Variants in CTNND2 observed in about 807,000 individuals in gnomAD.
CTNND2 encodes the protein catenin delta 2.
CTNND2 carries 22 observed loss-of-function variants against 144.4 expected under a neutral mutation model. That is an observed-to-expected ratio of 0.15 (90% CI 0.11 to 0.22). The LOEUF is 0.22. Among genes scored for constraint, CTNND2 ranks in the 10% least tolerant of loss-of-function variants. The pLI is 1.00. For missense variants in CTNND2, 1,353 were observed against 1,618.8 expected, an observed-to-expected ratio of 0.84 and a Z score of 2.82; for synonymous variants, 751 against 695.6, an observed-to-expected ratio of 1.08 and a Z score of -1.25.
chr5:11,576,388 T>C (rs995526393), intron 2 of CTNND2, among the ~76,000 whole-genome samples: 3 of 150,354 alleles, frequency 2.0e-5, no homozygotes, highest in Non-Finnish European at 4.4e-5. Flanking sequence ...TTAAATTACA[T>C]ACAATTAAGA....
intron 9 of CTNND2, among the ~76,000 whole-genome samples, chr5:11,240,679 T>A (rs1371806312): frequency 1.1e-5 from 1 of 91,430 alleles, no homozygotes; most frequent in Admixed American, 1.2e-4. Context: ...AATACACACA[T>A]CCAACATGCA....
At chr5:11,290,029 A>T (rs534415380) in intron 9 of CTNND2, among the ~76,000 whole-genome samples, 26 of 152,350 alleles carry the variant, frequency 1.7e-4, no homozygotes, top group African/African-American at 4.6e-4. Flanking sequence ...AACTACAAGG[A>T]TCGAGTATAG....
At chr5:11,170,154 G>A (rs760472195) in intron 11 of CTNND2, among the ~76,000 whole-genome samples, 4 of 152,188 alleles carry the variant, frequency 2.6e-5, no homozygotes, top group Admixed American at 6.5e-5. Flanking sequence ...GGTCAGATAA[G>A]AGTCTGACTG....
In CTNND2 at chr5:11,063,803, G is replaced by A. The variant is rs181483153; in HGVS notation, c.2788+18893C>T. On this transcript the variant is annotated intron_variant, in intron 16 of 21. Coordinates refer to ENST00000304623, the MANE Select transcript of CTNND2 (RefSeq NM_001332.4). ...ACAATTTAAATCTAAAAATGTGAGG[G>A]GGGTGGGGTTGGGGGGCATAGCTTT... 2.3e-3 allele frequency among the ~76,000 whole-genome samples: 347 copies of A among 151,226 alleles called. 1 individual carries two copies. The highest frequency in any genetic ancestry group is 3.4e-3 in the Non-Finnish European group (229 of 67,818).
chr5:11,807,668 T>C (rs1792080028), intron 1 of CTNND2, among the ~76,000 whole-genome samples: 1 of 152,144 alleles, frequency 6.6e-6, no homozygotes, highest in African/African-American at 2.4e-5. Flanking sequence ...GACTTAGGTT[T>C]TCAAAGCCCA....
intron 16 of CTNND2, among the ~76,000 whole-genome samples, chr5:11,065,116 C>T (rs955970644): frequency 6.6e-6 from 1 of 152,200 alleles, no homozygotes; most frequent in Admixed American, 6.5e-5. Context: ...TGGAGGTGGC[C>T]TTTGGAGACA....
chr5:11,658,429 G>T (rs1358291479), intron 2 of CTNND2, among the ~76,000 whole-genome samples: 2 of 152,032 alleles, frequency 1.3e-5, no homozygotes, highest in Admixed American at 6.6e-5. Context: ...GGTGACAGTG[G>T]TGCATTCTGA....
Position 11,675,240 on chromosome 5 carries a change from T to C in CTNND2, c.174+56896A>G, listed in dbSNP as rs535381938. 3.3e-5 allele frequency among the ~76,000 whole-genome samples: 5 copies of C among 152,304 alleles called. No individual in the cohort carries two copies. In the South Asian group the frequency reaches 8.3e-4, roughly 25 times the overall value. On this transcript the variant is annotated intron_variant, in intron 2 of 21. Coordinates refer to ENST00000304623, the MANE Select transcript of CTNND2 (RefSeq NM_001332.4). ...GAAATAAGCCAATCAGGTAAACTAA[T>C]GTATAGCAGAACAGAAACTCACTTT...
At position 11,364,819 on chromosome 5, in the gene CTNND2, C is replaced by G; in HGVS notation, c.1249G>C (p.Glu417Gln). 6.2e-7 allele frequency: 1 copy of G among 1,613,932 alleles called. No individual in the cohort carries two copies. Among genetic ancestry groups the G allele is most frequent in the Non-Finnish European group, 8.5e-7 (1 of 1,179,946 alleles). ...TCATAGATGGGATCTATGTGGTGTTCTGGGGACTGCAGGGCCCGCAACTCT... is the reference window on the plus strand; with the variant it reads ...TCATAGATGGGATCTATGTGGTGTTGTGGGGACTGCAGGGCCCGCAACTCT... ...GPELRALQSP[E>Q]HHIDPIYEDR... The change falls in exon 8 of 22, where the codon GAA becomes CAA. Residue 417 changes from glutamate to glutamine, a missense_variant. Glu to Gln is a conservative substitution (Grantham distance 29). Coordinates refer to ENST00000304623, the MANE Select transcript of CTNND2 (RefSeq NM_001332.4).
At chr5:11,804,586 G>A (rs544110850) in intron 1 of CTNND2, among the ~76,000 whole-genome samples, 2 of 152,252 alleles carry the variant, frequency 1.3e-5, no homozygotes, top group African/African-American at 4.8e-5. Flanking sequence ...AGGGAAAGAA[G>A]ACAATTTGAA....
At chr5:11,379,817 C>T (rs184337821) in intron 7 of CTNND2, among the ~76,000 whole-genome samples, 49 of 152,254 alleles carry the variant, frequency 3.2e-4, no homozygotes, top group African/African-American at 1.1e-3. Flanking sequence ...GCACATATGA[C>T]CATGTCAGTT....
intron 10 of CTNND2, among the ~76,000 whole-genome samples, chr5:11,228,725 C>G (rs941399355): frequency 7.2e-5 from 11 of 152,190 alleles, no homozygotes; most frequent in African/African-American, 4.8e-5. Flanking sequence ...AGCAATCCTC[C>G]CACCTCAGCC....
At chr5:11,751,935 G>C (rs750628483) in intron 1 of CTNND2, among the ~76,000 whole-genome samples, 5 of 151,758 alleles carry the variant, frequency 3.3e-5, no homozygotes, top group Non-Finnish European at 5.9e-5. Flanking sequence ...GTCTCTCTGT[G>C]GTTTTGATTT....
intron 16 of CTNND2, among the ~76,000 whole-genome samples, chr5:11,074,833 C>G (rs1031214217): frequency 1.3e-5 from 2 of 152,080 alleles, no homozygotes; most frequent in African/African-American, 4.8e-5. Context: ...TAAATATCAC[C>G]AGGAATCTTT....
chr5:11,650,605 G>A (rs1220820647), intron 2 of CTNND2, among the ~76,000 whole-genome samples: 2 of 152,180 alleles, frequency 1.3e-5, no homozygotes, highest in Non-Finnish European at 2.9e-5. Context: ...CCAAAATGAT[G>A]ATAGTGATAT....
At position 11,786,010 on chromosome 5, in the gene CTNND2, G is replaced by A. The variant is rs528914781; in HGVS notation, c.38-53738C>T. Reference sequence around the variant, plus strand: ...GCTGTCACTCTCACCAACTGCACCCGCAGCATTTCCTGGGTGCCCAGACCA... The same window carrying A: ...GCTGTCACTCTCACCAACTGCACCCACAGCATTTCCTGGGTGCCCAGACCA... On this transcript the variant is annotated intron_variant, in intron 1 of 21. Coordinates refer to ENST00000304623, the MANE Select transcript of CTNND2 (RefSeq NM_001332.4). Among the ~76,000 whole-genome samples, 62 of 149,024 alleles carry A rather than the reference G, an allele frequency of 4.2e-4. 1 individual carries two copies. The highest frequency in any genetic ancestry group is 1.5e-3 in the African/African-American group (59 of 38,482).
At chr5:11,080,655 G>A (rs1268522396) in intron 16 of CTNND2, among the ~76,000 whole-genome samples, 2 of 152,148 alleles carry the variant, frequency 1.3e-5, no homozygotes, top group Non-Finnish European at 2.9e-5. Flanking sequence ...AGAAAGGAAG[G>A]GAATCCTGTC....
At chr5:11,282,984 T>C (rs1488706715) in intron 9 of CTNND2, among the ~76,000 whole-genome samples, 3 of 152,250 alleles carry the variant, frequency 2.0e-5, no homozygotes, top group African/African-American at 7.2e-5. Context: ...GACAAAAGAT[T>C]TACAAATTAA....
At chr5:11,419,035 G>T (rs1044243103) in intron 3 of CTNND2, among the ~76,000 whole-genome samples, 16 of 129,724 alleles carry the variant, frequency 1.2e-4, no homozygotes, top group Admixed American at 2.4e-4. Flanking sequence ...TCTATATATA[G>T]ATATATAGAT....
Sources: allele counts gnomAD v4.1 joint callset (sites outside exome capture counted in the v4.1 genomes callset), GRCh38; gene constraint gnomAD v4.1.1; transcripts MANE v1.5; gene names NCBI Gene and HGNC (gene_info 2026-07-23, HGNC 2026-07-21).